The following TANC2 variants were observed in gnomAD, a reference collection of about 807,000 sequenced individuals.
TANC2 encodes tetratricopeptide repeat, ankyrin repeat and coiled-coil containing 2.
TANC2 carries 26 observed loss-of-function variants against 210.5 expected under a neutral mutation model. That is an observed-to-expected ratio of 0.12 (90% confidence interval 0.09 to 0.17). The LOEUF is 0.17. Among genes scored for constraint, TANC2 ranks in the 10% least tolerant of loss-of-function variants. The pLI, the probability that TANC2 is intolerant of heterozygous loss-of-function variation, is 1.00. For synonymous variants in TANC2, 931 were observed against 967.1 expected (o/e 0.96, Z 0.69); for missense variants, 2,129 against 2,608.9 (o/e 0.82, Z 4.01).
chr17:63,267,921 T>C (rs1407167027), intron 9 of TANC2, 48 bp downstream of exon 9: 3 of 1,559,546 alleles, frequency 1.9e-6, no homozygotes, highest in Non-Finnish European at 2.6e-6. Context: ...CAGATGGAAA[T>C]GGGCAAAAGC....
At chr17:63,287,990 A>AT (rs1451999165) in intron 9 of TANC2, among the ~76,000 whole-genome samples, 4 of 151,990 alleles carry the variant, frequency 2.6e-5, no homozygotes, top group African/African-American at 9.7e-5. Flanking sequence ...TGTCCTGTAA[A>AT]TTTTTCCATT....
intron 5 of TANC2, among the ~76,000 whole-genome samples, chr17:63,174,367 G>A (rs2040505752): frequency 1.3e-5 from 2 of 152,050 alleles, no homozygotes; most frequent in Admixed American, 1.3e-4. Context: ...TCTGTTTCCT[G>A]GAATTAAGTT....
At chr17:63,048,965 G>T (rs1435676141) in intron 2 of TANC2, among the ~76,000 whole-genome samples, 1 of 152,112 alleles carries the variant, frequency 6.6e-6, no homozygotes, top group African/African-American at 2.4e-5. Flanking sequence ...GATAAGGAGA[G>T]TAAGTCAGAT....
At chr17:63,358,862 C>T (rs948235312) in intron 14 of TANC2, among the ~76,000 whole-genome samples, 6 of 151,972 alleles carry the variant, frequency 3.9e-5, no homozygotes, top group Admixed American at 2.0e-4. Context: ...ATTTCTATAT[C>T]GCTTTAGGCT....
At chr17:63,076,983 A>T (rs1285272373) in intron 3 of TANC2, among the ~76,000 whole-genome samples, 1 of 152,204 alleles carries the variant, frequency 6.6e-6, no homozygotes, top group Non-Finnish European at 1.5e-5. Context: ...AGAAATCATC[A>T]AGATGATTCA....
At chr17:63,367,724 G>A (rs929607422) in intron 14 of TANC2, among the ~76,000 whole-genome samples, 1 of 152,190 alleles carries the variant, frequency 6.6e-6, no homozygotes, top group Non-Finnish European at 1.5e-5. Flanking sequence ...AAACAAGGAG[G>A]AGTGAGAACA....
intron 9 of TANC2, among the ~76,000 whole-genome samples, chr17:63,282,068 A>T (rs1301018497): frequency 6.6e-6 from 1 of 152,102 alleles, no homozygotes; most frequent in African/African-American, 2.4e-5. Context: ...CTAAGAAATT[A>T]ATACACCCAA....
intron 2 of TANC2, among the ~76,000 whole-genome samples, chr17:63,022,801 G>T (rs549184272): frequency 1.6e-4 from 24 of 152,156 alleles, no homozygotes; most frequent in Non-Finnish European, 1.5e-5. Context: ...CTGCTTGGCT[G>T]CACCAGCTGT....
intron 5 of TANC2, chr17:63,153,999 T>C (rs1232535716): frequency 2.0e-5 from 3 of 152,012 alleles, no homozygotes; most frequent in Non-Finnish European, 4.4e-5. Flanking sequence ...GAATATTAAA[T>C]TGAGTGATTC....
intron 14 of TANC2, among the ~76,000 whole-genome samples, chr17:63,370,172 C>CT (rs1393003261): frequency 1.0e-4 from 15 of 143,736 alleles, no homozygotes; most frequent in East Asian, 3.9e-4. Flanking sequence ...GTCCTCCTTT[C>CT]TTTTTTTTTC....
intron 8 of TANC2, among the ~76,000 whole-genome samples, chr17:63,260,581 T>G (rs1402020309): frequency 6.6e-6 from 1 of 151,748 alleles, no homozygotes; most frequent in Non-Finnish European, 1.5e-5. Flanking sequence ...GCTCAAGAGT[T>G]CAAGACCAGC....
rs959631662 is a variant in TANC2, at chr17:63,425,453, A to G, written c.*3498A>G. ...TTTTTATATTCCAGAGATGTACCCA[A>G]TAGAAAAAATTAAAAATTAATCAGT... On this transcript the variant is annotated 3_prime_UTR_variant, in exon 28 of 28. Transcript: ENST00000689528. 6 of 152,224 alleles carry G rather than the reference A, an allele frequency of 3.9e-5. No homozygotes were observed. In the East Asian group the frequency reaches 1.2e-3, roughly 29 times the overall value. The allele number at this position is 152,224 out of a possible 1,614,324, so 9.4% of individuals were successfully genotyped here.
chr17:63,303,781 G>GT (rs1447198848), intron 9 of TANC2, among the ~76,000 whole-genome samples: 1 of 151,704 alleles, frequency 6.6e-6, no homozygotes, highest in Admixed American at 6.6e-5. Flanking sequence ...TTTCTTGGAG[G>GT]TTTTTTTGTT....
At chr17:63,082,040 G>A (rs574175358) in intron 3 of TANC2, among the ~76,000 whole-genome samples, 6 of 152,018 alleles carry the variant, frequency 3.9e-5, no homozygotes, top group East Asian at 1.9e-4. Context: ...GCGTGGTGGC[G>A]GGCGCCTGTA....
chr17:63,294,586 G>GA (rs2044478258), intron 9 of TANC2, among the ~76,000 whole-genome samples: 1 of 152,024 alleles, frequency 6.6e-6, no homozygotes, highest in Non-Finnish European at 1.5e-5. Context: ...AAAATTTCCA[G>GA]ATATACAAAA....
intron 2 of TANC2, among the ~76,000 whole-genome samples, chr17:63,015,590 T>G (rs2034072454): frequency 1.3e-5 from 2 of 152,062 alleles, no homozygotes; most frequent in Non-Finnish European, 2.9e-5. Context: ...GTCCTTGCGA[T>G]AGTTTGCTTG....
At position 63,421,790 on chromosome 17, in the gene TANC2, G is replaced by A. The variant is rs754262922; in HGVS notation, c.6060G>A (p.Glu2020=). ...ACGGGTCTCGTGGAGACCTCTTGGA[G>A]CGAGTCAGCCAGGCCTCCTCCTATC... The change falls in exon 28 of 28, where the codon GAG becomes GAA. Residue 2020 remains glutamate (E), a synonymous_variant. Coordinates refer to ENST00000689528, the Ensembl canonical transcript of TANC2. The surrounding 1 kb of genome is among the most constrained non-coding windows in gnomAD (Gnocchi z 6.9). 1.2e-6 allele frequency: 2 copies of A among 1,614,014 alleles called. No individual in the cohort carries two copies. Among genetic ancestry groups the A allele is most frequent in the Non-Finnish European group, 1.7e-6 (2 of 1,179,896 alleles).
At chr17:63,054,632 T>C (rs529432058) in intron 2 of TANC2, among the ~76,000 whole-genome samples, 1 of 152,000 alleles carries the variant, frequency 6.6e-6, no homozygotes, top group Non-Finnish European at 1.5e-5. Flanking sequence ...CCCCCAGCCT[T>C]GGCCTCCCAA....
intron 7 of TANC2, among the ~76,000 whole-genome samples, chr17:63,234,188 T>TA (rs1370543009): frequency 6.6e-6 from 1 of 152,200 alleles, no homozygotes; most frequent in Non-Finnish European, 1.5e-5. Context: ...CCTATTCCCC[T>TA]ACCACAAATA....
Sources: gnomAD v4.1 joint callset for allele counts (sites outside exome capture counted in the v4.1 genomes callset) on GRCh38, gnomAD v4.1.1 for gene constraint, Gnocchi (gnomAD v3.1) non-coding constraint, MANE v1.5 for transcripts, NCBI Gene and HGNC (gene_info 2026-07-23, HGNC 2026-07-21) for gene names.